The following MICU1 variants were observed in gnomAD, a reference collection of about 807,000 sequenced individuals.
MICU1 encodes mitochondrial calcium uptake 1, also known as calcium uptake protein 1, mitochondrial.
Under a neutral mutation model 56.8 loss-of-function variants are expected in MICU1, and 45 were observed. That is an observed-to-expected ratio of 0.79 (90% confidence interval 0.62 to 1.02). The LOEUF is 1.02. Ranked by LOEUF, MICU1 falls within the 50% of genes least tolerant of loss-of-function variation. The probability of loss-of-function intolerance (pLI) is 0.00; values close to 1 mark genes in which losing one functional copy is unlikely to be tolerated. For synonymous variants in MICU1, 186 were observed against 195.1 expected, an observed-to-expected ratio of 0.95 and a Z score of 0.39; for missense variants, 504 against 587.1, an observed-to-expected ratio of 0.86 and a Z score of 1.46.
intron 5 of MICU1, among the ~76,000 whole-genome samples, chr10:72,512,097 G>GTTTTTTTTTTTTTTTTTTTTTTTTTTTT (rs1867471926): frequency 3.0e-5 from 3 of 100,690 alleles, no homozygotes; most frequent in African/African-American, 1.2e-4. Context: ...TCCATACACA[G>GTTTTTTTTTTTTTTTTTTTTTTTTTTTT]TTGTTTTTTG....
chr10:72,612,321 T>C (rs1326609303), intron 1 of MICU1, among the ~76,000 whole-genome samples: 1 of 151,668 alleles, frequency 6.6e-6, no homozygotes, highest in East Asian at 1.9e-4. Flanking sequence ...CTTAACACAG[T>C]ACACAAAGTA....
intron 5 of MICU1, among the ~76,000 whole-genome samples, chr10:72,513,137 T>C (rs915859084): frequency 1.3e-5 from 2 of 152,298 alleles, no homozygotes; most frequent in African/African-American, 4.8e-5. Flanking sequence ...CCTCCCAAAG[T>C]ACTGCGATTA....
chr10:72,565,932 G>A (rs1589347533), intron 2 of MICU1, among the ~76,000 whole-genome samples: 1 of 151,322 alleles, frequency 6.6e-6, no homozygotes, highest in East Asian at 1.9e-4. Context: ...TTCCAAGGAA[G>A]TTTCCATAAC....
intron 1 of MICU1, among the ~76,000 whole-genome samples, chr10:72,584,558 CTT>C (rs61492943): frequency 6.7e-6 from 1 of 149,104 alleles, no homozygotes. Flanking sequence ...TTAATACATA[CTT>C]TTTTTTTTTG....
At chr10:72,559,832 T>A (rs942591148) in intron 3 of MICU1, among the ~76,000 whole-genome samples, 20 of 152,144 alleles carry the variant, frequency 1.3e-4, no homozygotes, top group African/African-American at 4.6e-4. Context: ...TAAGCAGCAG[T>A]GGAACATGAC....
intron 10 of MICU1, among the ~76,000 whole-genome samples, chr10:72,405,807 A>G (rs766706565): frequency 9.2e-5 from 14 of 152,168 alleles, no homozygotes; most frequent in Non-Finnish European, 1.9e-4. Context: ...CATTGATGAC[A>G]AAAACCCTTT....
At chr10:72,524,081 C>T in intron 5 of MICU1, 1 of 834,948 alleles carries the variant, frequency 1.2e-6, no homozygotes, top group East Asian at 4.0e-5. Flanking sequence ...TCTCATCAGT[C>T]CTGTTACAGT....
Position 72,403,670 on chromosome 10 carries a change from T to TGTGC in MICU1, c.1180+4258_1180+4259insGCAC, listed in dbSNP as rs1554862082. Among the ~76,000 whole-genome samples, 622 of 149,702 alleles carry TGTGC rather than the reference T, an allele frequency of 4.2e-3. 6 individuals are homozygous for TGTGC. The highest frequency in any genetic ancestry group is 0.02 in the South Asian group (94 of 4,718). On this transcript the variant is annotated intron_variant, in intron 10 of 11. Transcript: ENST00000361114. ...GTGTGTGTGTGTGTGTGTGTGTGTG[T>TGTGC]TTTGAGACGGAGTCTCGCTCTGTTG...
intron 6 of MICU1, chr10:72,477,557 AG>A: frequency 6.5e-7 from 1 of 1,534,962 alleles, no homozygotes; most frequent in Non-Finnish European, 8.7e-7. Flanking sequence ...CCATCTTCTT[AG>A]CTTAGTAATA....
In MICU1 at chr10:72,577,742, G is replaced by C. The variant is rs561914868; in HGVS notation, c.-1-10948C>G. Among the ~76,000 whole-genome samples, 3 of 152,206 alleles carry C rather than the reference G, an allele frequency of 2.0e-5. No homozygotes were observed. In the East Asian group the frequency reaches 5.8e-4, roughly 29 times the overall value. On this transcript the variant is annotated intron_variant, in intron 1 of 11. Coordinates refer to ENST00000361114, the MANE Select transcript of MICU1 (RefSeq NM_001195518.2). Reference sequence around the variant, plus strand: ...TTAAAAAAATTTTTTTTAAAGTAAAGCCTGAAAATGTGACTGGATTGCTAT... The same window carrying C: ...TTAAAAAAATTTTTTTTAAAGTAAACCCTGAAAATGTGACTGGATTGCTAT...
At chr10:72,603,908 T>C (rs1240045781) in intron 1 of MICU1, among the ~76,000 whole-genome samples, 3 of 152,206 alleles carry the variant, frequency 2.0e-5, no homozygotes, top group South Asian at 2.1e-4. Context: ...TTCCAGGTTA[T>C]AGGTAGATTT....
intron 8 of MICU1, among the ~76,000 whole-genome samples, chr10:72,451,022 A>AAC: frequency 1.2e-5 from 1 of 85,362 alleles, no homozygotes; most frequent in Non-Finnish European, 2.8e-5. Context: ...AGTCCCTTAA[A>AAC]TCTTTTTTTT....
rs114133805 is a variant in MICU1 at position 72,433,958 on chromosome 10, G to A, written c.934-10587C>T. Among the ~76,000 whole-genome samples, 425 of 152,230 alleles carry A rather than the reference G, an allele frequency of 2.8e-3. 3 individuals are homozygous for A. Among genetic ancestry groups the A allele is most frequent in the African/African-American group, 9.7e-3 (401 of 41,526 alleles). Reference sequence around the variant, plus strand: ...CCAGTACTGACTTTAACTTCTCTGAGTGCTTGGGAATTTGGAATAGAATGG... The same window carrying A: ...CCAGTACTGACTTTAACTTCTCTGAATGCTTGGGAATTTGGAATAGAATGG... On this transcript the variant is annotated intron_variant, in intron 8 of 11. Coordinates refer to ENST00000361114, the MANE Select transcript of MICU1 (RefSeq NM_001195518.2).
At chr10:72,415,123 C>A (rs1419382679) in intron 9 of MICU1, among the ~76,000 whole-genome samples, 1 of 149,194 alleles carries the variant, frequency 6.7e-6, no homozygotes, top group Non-Finnish European at 1.5e-5. Context: ...TCAAGCAATT[C>A]TCTTGCCTTA....
intron 8 of MICU1, among the ~76,000 whole-genome samples, chr10:72,469,036 C>T (rs527630138): frequency 1.4e-4 from 22 of 152,306 alleles, no homozygotes; most frequent in African/African-American, 5.3e-4. Context: ...ACTTTTACCT[C>T]TTTGTGTTTC....
rs1841547686 is a variant in MICU1, at chr10:72,601,895, G to A, written c.-2+24115C>T. ...GCTCACTGCAACCTCCGCCTCCCAG[G>A]TTCAAGCGATTCTTCTGCCTCAGCC... On this transcript the variant is annotated intron_variant, in intron 1 of 11. Coordinates refer to ENST00000361114, the MANE Select transcript of MICU1 (RefSeq NM_001195518.2). Among the ~76,000 whole-genome samples, 5 of 151,482 alleles carry A rather than the reference G, an allele frequency of 3.3e-5. No individual in the cohort carries two copies. In the South Asian group the frequency reaches 8.3e-4, roughly 25 times the overall value.
At chr10:72,372,986 A>G (rs1168081359) in intron 11 of MICU1, among the ~76,000 whole-genome samples, 1 of 151,944 alleles carries the variant, frequency 6.6e-6, no homozygotes, top group African/African-American at 2.4e-5. Context: ...CATTCAAACT[A>G]CTATGGGTTT....
At chr10:72,373,522 ACGGCTTTTTGTT>A (rs1564833397) in intron 11 of MICU1, among the ~76,000 whole-genome samples, 1 of 152,138 alleles carries the variant, frequency 6.6e-6, no homozygotes, top group Admixed American at 6.6e-5. Flanking sequence ...AAAAATAACA[ACGGCTTTTTGTT>A]AAGTATACTT....
At chr10:72,371,541 G>C (rs1358626662) in intron 11 of MICU1, among the ~76,000 whole-genome samples, 1 of 150,896 alleles carries the variant, frequency 6.6e-6, no homozygotes, top group Non-Finnish European at 1.5e-5. Context: ...TCAGAAGTTC[G>C]AGACCAGCCT....
Sources: allele counts gnomAD v4.1 joint callset (sites outside exome capture counted in the v4.1 genomes callset), GRCh38; gene constraint gnomAD v4.1.1; transcripts MANE v1.5; gene names NCBI Gene and HGNC (gene_info 2026-07-23, HGNC 2026-07-21).